Variants in NAALADL2 observed in about 807,000 individuals in gnomAD.
NAALADL2 encodes the protein inactive N-acetylated-alpha-linked acidic dipeptidase-like protein 2.
A neutral mutation model predicts 87.2 loss-of-function variants in NAALADL2; 76 were observed. That is an observed-to-expected ratio of 0.87 (90% CI 0.72 to 1.05). The LOEUF is 1.05. Among genes scored for constraint, NAALADL2 ranks in the 50% least tolerant of loss-of-function variants. NAALADL2 has a pLI of 0.00. For missense variants in NAALADL2, 1,089 were observed against 945.8 expected (o/e 1.15, Z -1.99); for synonymous variants, 354 against 331.0 (o/e 1.07, Z -0.75).
intron 1 of NAALADL2, among the ~76,000 whole-genome samples, chr3:175,013,301 A>ATATATTTTTTT (rs1553916905): frequency 2.8e-5 from 2 of 72,066 alleles, no homozygotes; most frequent in African/African-American, 1.2e-4. Context: ...ATATATATAT[A>ATATATTTTTTT]TTTTTTTTTT....
At chr3:174,923,500 TAATG>T (rs1735541045) in intron 1 of NAALADL2, among the ~76,000 whole-genome samples, 1 of 152,148 alleles carries the variant, frequency 6.6e-6, no homozygotes, top group Non-Finnish European at 1.5e-5. Flanking sequence ...AACAAAATAG[TAATG>T]AATTTTATCC....
chr3:174,539,118 T>G (rs1024859508), intron 1 of NAALADL2, among the ~76,000 whole-genome samples: 2 of 152,156 alleles, frequency 1.3e-5, no homozygotes, highest in Non-Finnish European at 2.9e-5. Flanking sequence ...TATGTGTCAG[T>G]AAAATCTATG....
At chr3:174,592,099 AACTG>A (rs1458917018) in intron 2 of NAALADL2, among the ~76,000 whole-genome samples, 17 of 152,202 alleles carry the variant, frequency 1.1e-4, no homozygotes, top group African/African-American at 4.1e-4. Context: ...TCCCAAGGTA[AACTG>A]ACTGATTGAG....
rs568320331 is a variant in NAALADL2 at position 174,939,498 on chromosome 3, G to T, written c.43+80048G>T. ...TACCTTGGCATTTGGACTATATTTTGGTTCCATATGAATTTTAAAATAGTT... is the reference window on the plus strand; with the variant it reads ...TACCTTGGCATTTGGACTATATTTTTGTTCCATATGAATTTTAAAATAGTT... On this transcript the variant is annotated intron_variant, in intron 1 of 13. Transcript: ENST00000454872. Among the ~76,000 whole-genome samples the T allele has an allele frequency of 7.2e-5, 11 of 151,900 alleles. 1 individual carries two copies. The South Asian group carries it at 2.3e-3, about 32-fold the overall frequency.
chr3:175,569,840 A>ACACACACG (rs1355017457), intron 9 of NAALADL2, among the ~76,000 whole-genome samples: 2 of 149,378 alleles, frequency 1.3e-5, no homozygotes, highest in African/African-American at 5.0e-5. Flanking sequence ...ACACACACAC[A>ACACACACG]CACACACACA....
chr3:175,184,386 C>T (rs1224337321), intron 2 of NAALADL2, among the ~76,000 whole-genome samples: 1 of 151,904 alleles, frequency 6.6e-6, no homozygotes, highest in African/African-American at 2.4e-5. Context: ...GAACTAAATT[C>T]ATTTTACCTA....
chr3:175,003,005 C>T (rs1748449617), intron 1 of NAALADL2, among the ~76,000 whole-genome samples: 1 of 152,130 alleles, frequency 6.6e-6, no homozygotes, highest in Non-Finnish European at 1.5e-5. Context: ...TTACAAGGGA[C>T]ATCTTTTCTG....
At chr3:174,911,314 A>G (rs761953731) in intron 1 of NAALADL2, among the ~76,000 whole-genome samples, 9 of 152,168 alleles carry the variant, frequency 5.9e-5, no homozygotes, top group Non-Finnish European at 1.3e-4. Context: ...TCAATCAAAT[A>G]TATTTGTAGA....
At chr3:174,791,466 T>G (rs950097965) in intron 3 of NAALADL2, among the ~76,000 whole-genome samples, 1 of 152,220 alleles carries the variant, frequency 6.6e-6, no homozygotes, top group Non-Finnish European at 1.5e-5. Flanking sequence ...CCTCACCAGA[T>G]GCAGAATCTA....
intron 1 of NAALADL2, among the ~76,000 whole-genome samples, chr3:175,090,087 C>T (rs948973614): frequency 9.2e-5 from 14 of 151,906 alleles, no homozygotes; most frequent in Non-Finnish European, 1.3e-4. Context: ...ACAGTAAATA[C>T]TTCTAGAAAC....
intron 1 of NAALADL2, among the ~76,000 whole-genome samples, chr3:174,461,273 A>T (rs998256096): frequency 2.0e-5 from 3 of 152,114 alleles, no homozygotes; most frequent in African/African-American, 7.2e-5. Flanking sequence ...TTAAGTATTG[A>T]TATTTTATGT....
intron 5 of NAALADL2, among the ~76,000 whole-genome samples, chr3:175,386,738 G>A (rs758073217): frequency 6.6e-6 from 1 of 152,068 alleles, no homozygotes; most frequent in Admixed American, 6.6e-5. Context: ...TTCCAGCTCT[G>A]TTCTGCCTGA....
chr3:174,679,657 T>C (rs1211738136), intron 2 of NAALADL2, among the ~76,000 whole-genome samples: 1 of 152,168 alleles, frequency 6.6e-6, no homozygotes, highest in Non-Finnish European at 1.5e-5. Context: ...CCCACTCAGC[T>C]GGAAGGCACA....
At chr3:175,641,673 A>G (rs1185054224) in intron 11 of NAALADL2, among the ~76,000 whole-genome samples, 1 of 152,214 alleles carries the variant, frequency 6.6e-6, no homozygotes, top group African/African-American at 2.4e-5. Flanking sequence ...CCAGTTTCAC[A>G]TTTGTCTTCT....
At chr3:174,703,377 A>C (rs968122731) in intron 2 of NAALADL2, among the ~76,000 whole-genome samples, 1 of 151,654 alleles carries the variant, frequency 6.6e-6, no homozygotes, top group Non-Finnish European at 1.5e-5. Context: ...TACATGAATA[A>C]TATGAAGAGA....
chr3:175,573,519 A>T (rs910756812), intron 9 of NAALADL2, among the ~76,000 whole-genome samples: 1 of 152,254 alleles, frequency 6.6e-6, no homozygotes, highest in Non-Finnish European at 1.5e-5. Context: ...GGATGTTAAT[A>T]AATGTCTTGC....
At chr3:174,565,605 G>GTAAT (rs1349251865) in intron 2 of NAALADL2, among the ~76,000 whole-genome samples, 1 of 151,920 alleles carries the variant, frequency 6.6e-6, no homozygotes, top group Non-Finnish European at 1.5e-5. Context: ...TTAAGTTTTG[G>GTAAT]TAATTGTTAA....
chr3:175,516,927 A>G (rs1242077422), intron 9 of NAALADL2, among the ~76,000 whole-genome samples: 3 of 152,062 alleles, frequency 2.0e-5, no homozygotes, highest in Admixed American at 6.6e-5. Flanking sequence ...TGCCCACCTT[A>G]TATGTGCCAC....
In NAALADL2 at chr3:174,883,603, A is replaced by G. The variant is rs971717412; in HGVS notation, c.43+24153A>G. Among the ~76,000 whole-genome samples, 3 of 152,324 alleles carry G rather than the reference A, an allele frequency of 2.0e-5. No individual in the cohort carries two copies. In the East Asian group the frequency reaches 5.8e-4, roughly 29 times the overall value. ...TCTTAGTACAAGTGTATACATGCACAAACATGTTTTTTAACAAAAGAAGGA... is the reference window on the plus strand; with the variant it reads ...TCTTAGTACAAGTGTATACATGCACGAACATGTTTTTTAACAAAAGAAGGA... On this transcript the variant is annotated intron_variant, in intron 1 of 13. Coordinates refer to ENST00000454872, the MANE Select transcript of NAALADL2 (RefSeq NM_207015.3).
Sources: allele counts gnomAD v4.1 joint callset (sites outside exome capture counted in the v4.1 genomes callset), GRCh38; gene constraint gnomAD v4.1.1; transcripts MANE v1.5; gene names NCBI Gene and HGNC (gene_info 2026-07-23, HGNC 2026-07-21).